PABPC1: variants seen among roughly 807,000 people sequenced by gnomAD.
PABPC1 encodes poly(A) binding protein cytoplasmic 1, also known as polyadenylate-binding protein 1.
PABPC1 carries 4 observed loss-of-function variants against 74.0 expected under a neutral mutation model. The observed-to-expected ratio is 0.05, with a 90% CI of 0.03 to 0.12. PABPC1 has a LOEUF of 0.12. PABPC1 is among the 10% of genes least tolerant of loss of function. The pLI is 1.00. For synonymous variants in PABPC1, 227 were observed against 264.1 expected (o/e 0.86, Z 1.36); for missense variants, 271 against 821.1 (o/e 0.33, Z 8.19).
rs1162963191 is a variant in PABPC1 at position 100,703,007 on chromosome 8, C to G, written c.*354G>C. 2 of 155,784 alleles carry G rather than the reference C, an allele frequency of 1.3e-5. No individual in the cohort carries two copies. The highest frequency in any genetic ancestry group is 2.9e-5 in the Non-Finnish European group (2 of 68,070). The allele number at this position is 155,784 out of a possible 1,614,324, so 9.7% of individuals were successfully genotyped here. On this transcript the variant is annotated 3_prime_UTR_variant, in exon 15 of 15. Coordinates refer to ENST00000318607, the MANE Select transcript of PABPC1 (RefSeq NM_002568.4). Reference sequence around the variant, plus strand: ...ATCAATTCTGTTACTTAAAACAGAACTGACATTCTGAGCTATTCCACAGTA... The same window carrying G: ...ATCAATTCTGTTACTTAAAACAGAAGTGACATTCTGAGCTATTCCACAGTA...
In PABPC1 at chr8:100,712,805, A is replaced by AAAT; in HGVS notation, c.739-17_739-16insATT. ...CATCCACAGCCTTCCCCCCAAAAAA[A>AAAT]AAGAAAAAAAAAAAATCACAAAACT... On this transcript the variant is annotated splice_polypyrimidine_tract_variant and intron_variant, in intron 5 of 14. Coordinates refer to ENST00000318607, the MANE Select transcript of PABPC1 (RefSeq NM_002568.4). 6 of 1,512,940 alleles carry AAAT rather than the reference A, an allele frequency of 4.0e-6. No homozygotes were observed. The highest frequency in any genetic ancestry group is 5.2e-6 in the Non-Finnish European group (6 of 1,147,722). 93.7% of individuals were successfully genotyped at this position (1,512,940 alleles called of 1,614,324 possible). A position where few individuals can be genotyped will look rare whatever the true frequency, so the allele number is the denominator to read the frequency against.
intron 4 of PABPC1, among the ~76,000 whole-genome samples, chr8:100,713,726 A>G (rs947979947): frequency 1.3e-5 from 2 of 152,168 alleles, no homozygotes; most frequent in African/African-American, 4.8e-5. Flanking sequence ...GGCTTCAAGT[A>G]TCTTCCCTCT....
intron 7 of PABPC1, among the ~76,000 whole-genome samples, chr8:100,712,038 T>A (rs1403982887): frequency 6.6e-6 from 1 of 152,250 alleles, no homozygotes; most frequent in Non-Finnish European, 1.5e-5. Flanking sequence ...CTACCCAGAA[T>A]GAATTGTAGA....
At chr8:100,713,261 C>T in intron 4 of PABPC1, 80 bp from the exon 5 acceptor site, 1 of 831,736 alleles carries the variant, frequency 1.2e-6, no homozygotes, top group Non-Finnish European at 1.8e-6. Flanking sequence ...CATACAAAGC[C>T]ATGAAAAAAA....
intron 4 of PABPC1, among the ~76,000 whole-genome samples, chr8:100,714,961 T>C (rs1019798115): frequency 5.9e-5 from 9 of 152,190 alleles, no homozygotes; most frequent in African/African-American, 2.2e-4. Flanking sequence ...TTTGAATCAC[T>C]GGAAAATCTG....
At chr8:100,720,747 C>T (rs1223305852) in intron 1 of PABPC1, among the ~76,000 whole-genome samples, 3 of 152,162 alleles carry the variant, frequency 2.0e-5, no homozygotes, top group African/African-American at 7.2e-5. Context: ...TGCATGTCTC[C>T]GGTAAATTCC....
chr8:100,718,318 A>T, intron 1 of PABPC1, 38 bp from the exon 2 acceptor site: 1 of 1,560,924 alleles, frequency 6.4e-7, no homozygotes, highest in African/African-American at 1.4e-5. Context: ...TATTACTTCA[A>T]AATTTTTGCT....
rs530082028 is a variant in PABPC1, at chr8:100,705,500, CCTAG to C, written c.1687+85_1687+88del. ...TGCCAATTCAGATCAATTCCACTGC[CCTAG>C]CTGTCAATTGATTGACCTAGTGCCT... On this transcript the variant is annotated intron_variant, in intron 12 of 14. Coordinates refer to ENST00000318607, the MANE Select transcript of PABPC1 (RefSeq NM_002568.4). 365 of 799,228 alleles carry C rather than the reference CCTAG, an allele frequency of 4.6e-4. 1 individual carries two copies. Among genetic ancestry groups the C allele is most frequent in the African/African-American group, 4.4e-3 (257 of 59,058 alleles). 49.5% of individuals were successfully genotyped at this position (799,228 alleles called of 1,614,324 possible). A position where few individuals can be genotyped will look rare whatever the true frequency, so the allele number is the denominator to read the frequency against.
At chr8:100,710,485 G>A (rs1045639851) in intron 7 of PABPC1, among the ~76,000 whole-genome samples, 4 of 152,158 alleles carry the variant, frequency 2.6e-5, no homozygotes, top group African/African-American at 9.7e-5. Flanking sequence ...GGGGAAAAAG[G>A]ACTTTGGGCT....
Position 100,722,053 on chromosome 8 carries a change from T to A in PABPC1, c.-470A>T, listed in dbSNP as rs550226991. On this transcript the variant is annotated 5_prime_UTR_variant, in exon 1 of 15. Transcript: ENST00000318607. ...TGTGTTCCGAGCCCGGAGCACACACTCCGCACTCTCAGCACTAACCGCCGG... is the reference window on the plus strand; with the variant it reads ...TGTGTTCCGAGCCCGGAGCACACACACCGCACTCTCAGCACTAACCGCCGG... 1 of 152,970 alleles carries A rather than the reference T, an allele frequency of 6.5e-6. No individual in the cohort carries two copies. The highest frequency in any genetic ancestry group is 1.5e-5 in the Non-Finnish European group (1 of 68,306). 9.5% of individuals were successfully genotyped at this position (152,970 alleles called of 1,614,324 possible). A position where few individuals can be genotyped will look rare whatever the true frequency, so the allele number is the denominator to read the frequency against.
intron 4 of PABPC1, among the ~76,000 whole-genome samples, chr8:100,714,230 T>C (rs1810605238): frequency 1.3e-5 from 2 of 152,252 alleles, no homozygotes; most frequent in African/African-American, 4.8e-5. Context: ...GGTAGGTAGT[T>C]AACATCAACT....
At chr8:100,715,965 T>C (rs1269571182) in intron 3 of PABPC1, among the ~76,000 whole-genome samples, 2 of 152,268 alleles carry the variant, frequency 1.3e-5, no homozygotes, top group African/African-American at 4.8e-5. Context: ...AAGTGGCGCT[T>C]GCGCTTTCTT....
At chr8:100,704,826 TTA>T in intron 13 of PABPC1, 98 bp downstream of exon 13, 1 of 1,193,004 alleles carries the variant, frequency 8.4e-7, no homozygotes. Context: ...TGTACATGGC[TTA>T]TATATAACAC....
In PABPC1 at chr8:100,719,292, CCT is replaced by C. The variant is rs1810750921; in HGVS notation, c.194-1014_194-1013del. On this transcript the variant is annotated intron_variant, in intron 1 of 14. Transcript: ENST00000318607. Reference sequence around the variant, plus strand: ...ATTGACAGGATGAATTTTCCGGCCACCTCTTTTTTTATAAATGAAAGTTCCAG... The same window carrying C: ...ATTGACAGGATGAATTTTCCGGCCACCTTTTTTTATAAATGAAAGTTCCAG... Among the ~76,000 whole-genome samples the C allele has an allele frequency of 3.3e-5, 5 of 152,056 alleles. No homozygotes were observed. In the South Asian group the frequency reaches 1.0e-3, roughly 32 times the overall value.
chr8:100,709,337 T>C (rs1392925711), intron 8 of PABPC1, 114 bp from the exon 9 acceptor site: 1 of 1,459,846 alleles, frequency 6.9e-7, no homozygotes, highest in African/African-American at 1.4e-5. Context: ...AAGCATTTTT[T>C]CCTACTCAAT....
rs751594503 is a variant in PABPC1, at chr8:100,706,811, A to G, written c.1448-6T>C. The G allele has an allele frequency of 3.5e-6, 4 of 1,141,498 alleles. No homozygotes were observed. The Admixed American group carries it at 9.4e-5, about 27-fold the overall frequency. 70.7% of individuals were successfully genotyped at this position (1,141,498 alleles called of 1,614,324 possible). A position where few individuals can be genotyped will look rare whatever the true frequency, so the allele number is the denominator to read the frequency against. On this transcript the variant is annotated splice_polypyrimidine_tract_variant and splice_region_variant and intron_variant, in intron 10 of 14. Transcript: ENST00000318607. ...TGTCTGTGTTGATGTGTTAGCTAAA[A>G]AATAAGAACATTTTGTATTTTTATC...
intron 3 of PABPC1, 93 bp from the exon 4 acceptor site, chr8:100,715,694 G>T: frequency 1.3e-6 from 1 of 762,824 alleles, no homozygotes; most frequent in Non-Finnish European, 2.0e-6. Context: ...CTGTTAATGA[G>T]AATATTCAGA....
chr8:100,719,885 A>G (rs1291096558), intron 1 of PABPC1, among the ~76,000 whole-genome samples: 2 of 152,242 alleles, frequency 1.3e-5, no homozygotes, highest in East Asian at 3.8e-4. Context: ...TAAGGTTGAC[A>G]AGAACTGTTA....
rs1810397446 is a variant in PABPC1, at chr8:100,707,001, C to T, written c.1337-4G>A. The T allele has an allele frequency of 1.2e-6, 1 of 854,404 alleles. No homozygotes were observed. The allele number at this position is 854,404 out of a possible 1,614,324, so 52.9% of individuals were successfully genotyped here. On this transcript the variant is annotated splice_polypyrimidine_tract_variant and splice_region_variant and intron_variant, in intron 9 of 14. Coordinates refer to ENST00000318607, the MANE Select transcript of PABPC1 (RefSeq NM_002568.4). ...GCACCGGGCATATTTTGGAATGCTG[C>T]ATTTTAAAGATGTGAATATACATTA... is the stretch of plus-strand genomic sequence containing the variant.
Sources: gnomAD v4.1 joint callset for allele counts (sites outside exome capture counted in the v4.1 genomes callset) on GRCh38, gnomAD v4.1.1 for gene constraint, MANE v1.5 for transcripts, NCBI Gene and HGNC (gene_info 2026-07-23, HGNC 2026-07-21) for gene names.